The following GGA2 variants were observed in gnomAD, a reference collection of about 807,000 sequenced individuals.
GGA2 encodes the protein ADP-ribosylation factor-binding protein GGA2.
GGA2 carries 48 observed loss-of-function variants against 79.5 expected under a neutral mutation model. The ratio of observed to expected loss-of-function variants is 0.60; its 90% confidence interval spans 0.48 to 0.77. GGA2 has a LOEUF of 0.77. GGA2 is among the 30% of genes least tolerant of loss of function. The pLI, the probability that GGA2 is intolerant of heterozygous loss-of-function variation, is 0.00. For synonymous variants in GGA2, 317 were observed against 302.0 expected (o/e 1.05, Z -0.51); for missense variants, 770 against 774.0 (o/e 0.99, Z 0.06).
intron 12 of GGA2, 154 bp downstream of exon 12, chr16:23,478,729 A>C: frequency 1.3e-6 from 1 of 743,248 alleles, no homozygotes; most frequent in Non-Finnish European, 2.4e-6. Flanking sequence ...TCAGCCAGAC[A>C]GTATGGGTGA....
upstream of GGA2, among the ~76,000 whole-genome samples, chr16:23,512,700 CTTTTTTTT>C (rs34027000): frequency 2.7e-3 from 151 of 55,942 alleles, no homozygotes; most frequent in South Asian, 0.032. Context: ...TAAAGAAAAT[CTTTTTTTT>C]TTTTTTTTTT....
intron 1 of GGA2, among the ~76,000 whole-genome samples, chr16:23,496,293 ACT>A (rs1257695966): frequency 8.1e-6 from 1 of 123,794 alleles, no homozygotes; most frequent in African/African-American, 3.3e-5. Flanking sequence ...ACAGAGGGAG[ACT>A]CTGTCTCAAA....
Position 23,464,980 on chromosome 16 carries a change from T to A in GGA2, c.*2610A>T, listed in dbSNP as rs1964416626. On this transcript the variant is annotated 3_prime_UTR_variant, in exon 17 of 17. Transcript: ENST00000309859. ...TTAAGAGACAGAGGAAAAAGAGCAG[T>A]CACGGAGGTAGGTCACGAAATGGGT... The A allele has an allele frequency of 3.7e-6, 1 of 267,156 alleles. No homozygotes were observed. 16.5% of individuals were successfully genotyped at this position (267,156 alleles called of 1,614,324 possible).
intron 9 of GGA2, 102 bp from the exon 10 acceptor site, chr16:23,480,872 G>T: frequency 1.7e-6 from 2 of 1,150,552 alleles, no homozygotes; most frequent in Non-Finnish European, 2.6e-6. Flanking sequence ...GCTAGACTAT[G>T]TTCAGTTTAT....
rs1370925085 is a variant in GGA2 at position 23,509,730 on chromosome 16, G to GA, written c.91+590dup. On this transcript the variant is annotated intron_variant, in intron 1 of 16. Transcript: ENST00000309859. ...CATAATGAGACCCCGTCTCTTAAAGGAAAAAAAAAACACACATATATATAT... is the reference window on the plus strand; with the variant it reads ...CATAATGAGACCCCGTCTCTTAAAGGAAAAAAAAAAACACACATATATATAT... Among the ~76,000 whole-genome samples the GA allele has an allele frequency of 2.1e-3, 286 of 133,878 alleles. 3 individuals are homozygous for GA. Among genetic ancestry groups the GA allele is most frequent in the Admixed American group, 0.018 (241 of 13,316 alleles). The allele number at this position is 133,878 out of a possible 152,430, so 87.8% of individuals were successfully genotyped here.
At chr16:23,484,311 G>A (rs1240603306) in intron 8 of GGA2, among the ~76,000 whole-genome samples, 1 of 151,882 alleles carries the variant, frequency 6.6e-6, no homozygotes, top group Non-Finnish European at 1.5e-5. Context: ...CCAGCTCCTC[G>A]GGAGGCTGAG....
At chr16:23,491,634 G>GGCCTA (rs1567365686) in intron 5 of GGA2, 43 bp downstream of exon 5, 2 of 1,595,518 alleles carry the variant, frequency 1.3e-6, no homozygotes, top group Admixed American at 3.4e-5. Flanking sequence ...AGAAGATACA[G>GGCCTA]GCCTAGTCAA....
In GGA2 at chr16:23,467,322, T is replaced by C. The variant is rs894351616; in HGVS notation, c.*268A>G. On this transcript the variant is annotated 3_prime_UTR_variant, in exon 17 of 17. Transcript: ENST00000309859. The stretch of plus-strand genomic sequence containing the variant: ...ATGACTGTAGCAGAGATGATGATGA[T>C]GAGAAATGCTTCGCATTTCCCACAC... 2.3e-4 allele frequency: 95 copies of C among 411,456 alleles called. No individual in the cohort carries two copies. Among genetic ancestry groups the C allele is most frequent in the Admixed American group, 7.6e-5 (2 of 26,396 alleles). The allele number at this position is 411,456 out of a possible 1,614,324, so 25.5% of individuals were successfully genotyped here.
At chr16:23,486,981 GTTGTT>G (rs1402985634) in intron 6 of GGA2, among the ~76,000 whole-genome samples, 191 bp from the exon 7 acceptor site, 17 of 97,090 alleles carry the variant, frequency 1.8e-4, no homozygotes, top group African/African-American at 5.6e-4. Flanking sequence ...TTTCTTTTCT[GTTGTT>G]TTTTTTTTTT....
chr16:23,524,327 C>G (rs1965187618), upstream of GGA2: 1 of 1,564,372 alleles, frequency 6.4e-7, no homozygotes, highest in African/African-American at 1.4e-5. Context: ...TTTCTAAGCT[C>G]ACAGGTTCTT....
At chr16:23,473,272 C>T (rs1964536531) in intron 14 of GGA2, among the ~76,000 whole-genome samples, 1 of 145,320 alleles carries the variant, frequency 6.9e-6, no homozygotes, top group South Asian at 2.1e-4. Context: ...TCTATCAAGA[C>T]ATGAAGAGAA....
intron 5 of GGA2, among the ~76,000 whole-genome samples, chr16:23,490,145 C>T (rs893569409): frequency 2.6e-5 from 4 of 152,214 alleles, no homozygotes; most frequent in Non-Finnish European, 5.9e-5. Context: ...TGAAGACCTA[C>T]AGCTGAGAGA....
intron 1 of GGA2, among the ~76,000 whole-genome samples, chr16:23,507,598 A>G (rs1435751416): frequency 6.6e-6 from 1 of 151,968 alleles, no homozygotes; most frequent in Non-Finnish European, 1.5e-5. Flanking sequence ...ACTGTACTCC[A>G]GCCTGGACAA....
At chr16:23,486,274 T>G (rs565760030) in intron 7 of GGA2, 122 bp from the exon 8 acceptor site, 2 of 817,832 alleles carry the variant, frequency 2.4e-6, no homozygotes. Flanking sequence ...GGATGTTAAG[T>G]GCATGGGAGA....
intron 9 of GGA2, among the ~76,000 whole-genome samples, 179 bp downstream of exon 9, chr16:23,482,744 G>A (rs370171848): frequency 1.3e-4 from 20 of 152,200 alleles, no homozygotes; most frequent in African/African-American, 4.8e-4. Flanking sequence ...ATTTCTTACT[G>A]AAGCCTGGAT....
At chr16:23,515,915 T>C (rs982834190) in intron 2 of GGA2, among the ~76,000 whole-genome samples, 23 of 152,148 alleles carry the variant, frequency 1.5e-4, no homozygotes, top group African/African-American at 5.5e-4. Flanking sequence ...CATAGGTCAC[T>C]TGCAGCCTCC....
chr16:23,517,591 C>G (rs895296995), intron 2 of GGA2, among the ~76,000 whole-genome samples: 8 of 151,986 alleles, frequency 5.3e-5, no homozygotes, highest in Non-Finnish European at 7.4e-5. Flanking sequence ...TGCCTGGTTT[C>G]TCAGCAGCCA....
At chr16:23,509,762 A>G (rs1436887169) in intron 1 of GGA2, among the ~76,000 whole-genome samples, 6 of 148,648 alleles carry the variant, frequency 4.0e-5, no homozygotes, top group Non-Finnish European at 6.0e-5. Context: ...ATATATACGC[A>G]CACACACACA....
At chr16:23,472,168 G>A (rs59699849) in intron 14 of GGA2, among the ~76,000 whole-genome samples, 1,900 of 129,826 alleles carry the variant, frequency 0.015, 42 homozygotes, top group African/African-American at 0.052. Flanking sequence ...ATCCAAAGAT[G>A]TTCTTTGTAG....
Sources: allele counts gnomAD v4.1 joint callset (sites outside exome capture counted in the v4.1 genomes callset), GRCh38; gene constraint gnomAD v4.1.1; transcripts MANE v1.5; gene names NCBI Gene and HGNC (gene_info 2026-07-23, HGNC 2026-07-21).